EML2: variants seen among roughly 807,000 people sequenced by gnomAD.
EML2 encodes EMAP like 2.
A neutral mutation model predicts 84.7 loss-of-function variants in EML2; 59 were observed. That is an observed-to-expected ratio of 0.70 (90% CI 0.56 to 0.86). EML2 has a LOEUF of 0.86. EML2 is among the 40% of genes least tolerant of loss of function. EML2 has a pLI of 0.00. For missense variants in EML2, 818 were observed against 855.6 expected, an observed-to-expected ratio of 0.96 and a Z score of 0.55; for synonymous variants, 352 against 348.9, an observed-to-expected ratio of 1.01 and a Z score of -0.10.
upstream of EML2, chr19:45,641,481 C>T (rs573550691): frequency 2.4e-4 from 161 of 674,212 alleles, 1 homozygote; most frequent in African/African-American, 2.4e-3. Flanking sequence ...TGTTACCGTG[C>T]CACCTCAAGA....
At chr19:45,645,628 A>G (rs1172422649), upstream of EML2, 6 of 566,530 alleles carry the variant, frequency 1.1e-5, no homozygotes, top group Non-Finnish European at 1.8e-5. Flanking sequence ...CAACCGGAGT[A>G]TAGTCTCTCT....
chr19:45,623,663 A>C (rs1260640166), intron 9 of EML2: 1 of 151,460 alleles, frequency 6.6e-6, no homozygotes, highest in Non-Finnish European at 1.5e-5. Flanking sequence ...TGATTCTCCC[A>C]CCTCAGCCTC....
At position 45,609,627 on chromosome 19, in the gene EML2, AT is replaced by A. The variant is rs779629336; in HGVS notation, c.*35del. On this transcript the variant is annotated 3_prime_UTR_variant, in exon 19 of 19. Coordinates refer to ENST00000245925, the MANE Select transcript of EML2 (RefSeq NM_012155.4). ...GCAATAGACATCTCCCGAAAATAGA[AT>A]TCCTGCCCTGACACCTGACTCTTCC... The A allele has an allele frequency of 1.3e-5, 21 of 1,582,112 alleles. 1 individual carries two copies. In the South Asian group the frequency reaches 2.4e-4, roughly 18 times the overall value.
At chr19:45,627,311 G>C (rs1164327683) in intron 7 of EML2, among the ~76,000 whole-genome samples, 1 of 147,272 alleles carries the variant, frequency 6.8e-6, no homozygotes. Context: ...GCTGGAGTGC[G>C]GTAGCACAAT....
intron 6 of EML2, among the ~76,000 whole-genome samples, chr19:45,631,419 ATC>A (rs1973012957): frequency 6.6e-6 from 1 of 151,946 alleles, no homozygotes; most frequent in Non-Finnish European, 1.5e-5. Flanking sequence ...TTATCTATCT[ATC>A]TATCTATATA....
At chr19:45,642,591 CCT>C (rs1974654973), upstream of EML2, 1 of 1,269,148 alleles carries the variant, frequency 7.9e-7, no homozygotes, top group Non-Finnish European at 1.0e-6. Context: ...GGCCGTGTGA[CCT>C]TGGGGAAGTC....
chr19:45,616,010 T>C (rs1189688925), intron 15 of EML2, 121 bp from the exon 16 acceptor site: 1 of 742,402 alleles, frequency 1.3e-6, no homozygotes. Context: ...ACAAGGGGAC[T>C]AAAGGAAGGA....
chr19:45,641,466 T>C (rs1256858476), upstream of EML2: 3 of 638,630 alleles, frequency 4.7e-6, no homozygotes, highest in African/African-American at 5.5e-5. Flanking sequence ...TCCCAGACCT[T>C]CCACTGTTAC....
At chr19:45,617,722 G>A (rs370988481) in intron 12 of EML2, 25 bp from the exon 13 acceptor site, 34 of 1,609,884 alleles carry the variant, frequency 2.1e-5, no homozygotes, top group African/African-American at 4.0e-5. Flanking sequence ...AGAAGAGGCA[G>A]GGCTCAGAGC....
At chr19:45,638,117 T>C (rs2122803530) in intron 3 of EML2, among the ~76,000 whole-genome samples, 1 of 152,350 alleles carries the variant, frequency 6.6e-6, no homozygotes, top group African/African-American at 2.4e-5. Context: ...ATGGGGCACA[T>C]ACTATGAGCT....
At chr19:45,631,183 T>G (rs1972981445) in intron 6 of EML2, among the ~76,000 whole-genome samples, 1 of 152,048 alleles carries the variant, frequency 6.6e-6, no homozygotes, top group Non-Finnish European at 1.5e-5. Context: ...AAATACAGGT[T>G]AATTTTGATT....
At chr19:45,642,184 C>T (rs1452350137), upstream of EML2, 1 of 1,531,452 alleles carries the variant, frequency 6.5e-7, no homozygotes, top group Non-Finnish European at 8.7e-7. Flanking sequence ...GGGGGTGCCC[C>T]GCGCGCGTAG....
In EML2 at chr19:45,612,215, C is replaced by T. The variant is rs561256997; in HGVS notation, c.1824+1326G>A. Among the ~76,000 whole-genome samples the T allele has an allele frequency of 3.9e-5, 6 of 152,272 alleles. No individual in the cohort carries two copies. In the East Asian group the frequency reaches 9.7e-4, roughly 25 times the overall value. On this transcript the variant is annotated intron_variant, in intron 18 of 18. Coordinates refer to ENST00000245925, the MANE Select transcript of EML2 (RefSeq NM_012155.4). ...GTGTAGCTGGGATTACAGGCGCCTGCCACTACGCCTTGCTAACTTTTGTAT... is the reference window on the plus strand; with the variant it reads ...GTGTAGCTGGGATTACAGGCGCCTGTCACTACGCCTTGCTAACTTTTGTAT...
chr19:45,629,795 T>G (rs575033634), intron 7 of EML2, among the ~76,000 whole-genome samples, 156 bp downstream of exon 7: 16 of 151,336 alleles, frequency 1.1e-4, no homozygotes, highest in Non-Finnish European at 2.2e-4. Context: ...CCACCAAGGC[T>G]CTGAGGTGGC....
chr19:45,617,632 GCCAGT>G lies in EML2; in HGVS notation c.1315_1319del (p.Thr439GlnfsTer11). 1 of 1,613,570 alleles carries G rather than the reference GCCAGT, an allele frequency of 6.2e-7. No individual in the cohort carries two copies. Among genetic ancestry groups the G allele is most frequent in the Non-Finnish European group, 8.5e-7 (1 of 1,179,710 alleles). On this transcript the variant is annotated frameshift_variant, in exon 13 of 19. Transcript: ENST00000245925. LOFTEE classifies it high-confidence loss of function. ...CGAAATGCTCTCCTCAGCTTTACCT[GCCAGT>G]CACTGTACCCACAGCCAGGACAGAG...
chr19:45,644,213 C>A (rs570692722), upstream of EML2, among the ~76,000 whole-genome samples: 4 of 152,184 alleles, frequency 2.6e-5, 1 homozygote, highest in South Asian at 6.2e-4. Flanking sequence ...ATGCTTTTGG[C>A]AACTCTAGTA....
upstream of EML2, among the ~76,000 whole-genome samples, chr19:45,643,998 G>A (rs1052003156): frequency 1.3e-5 from 2 of 152,196 alleles, no homozygotes; most frequent in Non-Finnish European, 2.9e-5. Flanking sequence ...AGATCACTCA[G>A]CCCGTAGGTG....
chr19:45,613,773 G>T, intron 17 of EML2, 102 bp from the exon 18 acceptor site: 2 of 1,411,248 alleles, frequency 1.4e-6, no homozygotes. Flanking sequence ...TTCCGACCTA[G>T]CCTGTATCTA....
At chr19:45,636,238 T>C (rs1212752463) in intron 3 of EML2, among the ~76,000 whole-genome samples, 1 of 152,216 alleles carries the variant, frequency 6.6e-6, no homozygotes, top group Non-Finnish European at 1.5e-5. Flanking sequence ...CCTCCTAAAG[T>C]GCTGGGATTA....
Sources: gnomAD v4.1 joint callset for allele counts (sites outside exome capture counted in the v4.1 genomes callset) on GRCh38, gnomAD v4.1.1 for gene constraint, MANE v1.5 for transcripts, NCBI Gene and HGNC (gene_info 2026-07-23, HGNC 2026-07-21) for gene names.